EFTUD2: variants seen among roughly 807,000 people sequenced by gnomAD.
EFTUD2 encodes the protein 116 kDa U5 small nuclear ribonucleoprotein component.
In EFTUD2, 9 loss-of-function variants were observed where a neutral mutation model predicts 114.3. The ratio of observed to expected loss-of-function variants is 0.08; its 90% CI spans 0.05 to 0.14. EFTUD2 has a LOEUF of 0.14. EFTUD2 is among the 10% of genes least tolerant of loss of function. The pLI is 1.00. For missense variants in EFTUD2, 765 were observed against 1,241.2 expected, an observed-to-expected ratio of 0.62 and a Z score of 5.76; for synonymous variants, 449 against 462.3, an observed-to-expected ratio of 0.97 and a Z score of 0.37.
chr17:44,866,563 G>A (rs1160476178), intron 13 of EFTUD2, among the ~76,000 whole-genome samples: 1 of 152,038 alleles, frequency 6.6e-6, no homozygotes, highest in South Asian at 2.1e-4. Context: ...ATTTTTAGTA[G>A]AAATGGGGTC....
intron 4 of EFTUD2, 101 bp downstream of exon 4, chr17:44,885,155 C>T: frequency 2.3e-6 from 2 of 881,410 alleles, no homozygotes; most frequent in Non-Finnish European, 3.7e-6. Flanking sequence ...TATGTACGGC[C>T]ACAATTTACT....
rs2050515754 is a variant in EFTUD2 at position 44,854,693 on chromosome 17, G to A, written c.2133-11C>T. 1.2e-6 allele frequency: 2 copies of A among 1,611,390 alleles called. No homozygotes were observed. The highest frequency in any genetic ancestry group is 1.7e-6 in the Non-Finnish European group (2 of 1,178,258). ...TCTCCCAGCTTCTTCCTGGGGAAGG[G>A]AGGAGACAATGGAGCTGTCAGCCAG... is the stretch of plus-strand genomic sequence containing the variant. On this transcript the variant is annotated splice_polypyrimidine_tract_variant and intron_variant, in intron 21 of 27. Transcript: ENST00000426333. The surrounding 1 kb of genome is among the most constrained non-coding windows in gnomAD (Gnocchi z 4.3).
chr17:44,888,937 A>ATAAG (rs397740324), intron 2 of EFTUD2, among the ~76,000 whole-genome samples: 1 of 151,928 alleles, frequency 6.6e-6, no homozygotes, highest in Non-Finnish European at 1.5e-5. Flanking sequence ...GTCGTCATAA[A>ATAAG]GTTATTTGAT....
intron 24 of EFTUD2, 40 bp downstream of exon 24, chr17:44,853,477 C>T (rs2050492319): frequency 4.3e-6 from 7 of 1,610,578 alleles, no homozygotes; most frequent in Middle Eastern, 1.6e-4. Context: ...AGTCCCCTGT[C>T]CAGTGAAGCA....
intron 3 of EFTUD2, 93 bp downstream of exon 3, chr17:44,886,492 C>A (rs1041200873): frequency 6.5e-7 from 1 of 1,535,634 alleles, no homozygotes; most frequent in East Asian, 2.3e-5. Flanking sequence ...AAAAACTGAT[C>A]AATTCATTCA....
At chr17:44,872,733 T>C (rs1362965398) in intron 10 of EFTUD2, 163 bp from the exon 11 acceptor site, 16 of 697,450 alleles carry the variant, frequency 2.3e-5, no homozygotes, top group Non-Finnish European at 3.4e-5. Flanking sequence ...GAAAGTGACA[T>C]GATGGAGCTG....
At chr17:44,875,385 C>T (rs2050928250) in intron 10 of EFTUD2, among the ~76,000 whole-genome samples, 1 of 151,936 alleles carries the variant, frequency 6.6e-6, no homozygotes, top group South Asian at 2.1e-4. Context: ...AAAAAATTAG[C>T]CGGGCGTGGT....
At chr17:44,883,188 C>A in intron 5 of EFTUD2, 30 bp from the exon 6 acceptor site, 1 of 1,610,826 alleles carries the variant, frequency 6.2e-7, no homozygotes, top group Non-Finnish European at 8.5e-7. Context: ...TAACATCTGC[C>A]GACCACAGAG....
In EFTUD2 at chr17:44,854,503, T is replaced by C; in HGVS notation, c.2259+53A>G. 1.9e-6 allele frequency: 3 copies of C among 1,591,462 alleles called. No homozygotes were observed. Among genetic ancestry groups the C allele is most frequent in the Non-Finnish European group, 2.6e-6 (3 of 1,167,060 alleles). On this transcript the variant is annotated intron_variant, in intron 22 of 27. Transcript: ENST00000426333. This position sits in a 1 kb window ranked among gnomAD's most constrained non-coding sequence, Gnocchi z 4.3. ...TGGGAAAAGAACACTTTGTAGTTTC[T>C]TCCACTCCAGAGGTAAGAGACCGCC...
At position 44,859,162 on chromosome 17, in the gene EFTUD2, T is replaced by C; in HGVS notation, c.1880A>G (p.His627Arg). The change falls in exon 19 of 28, where the codon CAT (histidine) becomes CGT (arginine). Residue 627 changes from histidine to arginine, a missense_variant. By Grantham distance (29) the His-to-Arg change is conservative. Around this residue, in one of 6 missense-constraint regions of EFTUD2, gnomAD observed 149 missense variants for 245.1 expected, o/e 0.61. Coordinates refer to ENST00000426333, the MANE Select transcript of EFTUD2 (RefSeq NM_004247.4). ...GAGCTCCCCAGTGCCCAGGATCACA[T>C]GCTCGCCAGACTCCTCCACCTGAAA... ...LTTKVEESGE[H>R]VILGTGELYL... is the part of the protein sequence containing the mutation. The C allele has an allele frequency of 6.2e-7, 1 of 1,613,848 alleles. No individual in the cohort carries two copies. Among genetic ancestry groups the C allele is most frequent in the Non-Finnish European group, 8.5e-7 (1 of 1,179,704 alleles).
Position 44,859,908 on chromosome 17 carries a change from G to C in EFTUD2, c.1857C>G (p.Thr619=), listed in dbSNP as rs768001669. 1 of 1,614,132 alleles carries C rather than the reference G, an allele frequency of 6.2e-7. No individual in the cohort carries two copies. The highest frequency in any genetic ancestry group is 8.5e-7 in the Non-Finnish European group (1 of 1,180,042). Residue 619 remains threonine, a synonymous_variant, in exon 18 of 28, where the codon ACC becomes ACG. Coordinates refer to ENST00000426333, the MANE Select transcript of EFTUD2 (RefSeq NM_004247.4). ...CTGCTGCAGGCCATGGGCATACCTTGGTGGTGAGGGATGGATAGCTCTTGT... is the reference window on the plus strand; with the variant it reads ...CTGCTGCAGGCCATGGGCATACCTTCGTGGTGAGGGATGGATAGCTCTTGT... ...KVNKSYPSLT[T]KVEESGEHVI... is the part of the protein sequence containing the mutation.
intron 16 of EFTUD2, among the ~76,000 whole-genome samples, chr17:44,860,883 G>A (rs72826902): frequency 0.024 from 3,688 of 152,222 alleles, 72 homozygotes; most frequent in Middle Eastern, 0.1. Context: ...ACAGGTGTGA[G>A]CCACCACATC....
At position 44,853,805 on chromosome 17, in the gene EFTUD2, A is replaced by G. The variant is rs1020440027; in HGVS notation, c.2348-170T>C. 6 of 1,440,720 alleles carry G rather than the reference A, an allele frequency of 4.2e-6. No individual in the cohort carries two copies. The African/African-American group carries it at 8.6e-5, about 21-fold the overall frequency. The allele number at this position is 1,440,720 out of a possible 1,614,324, so 89.2% of individuals were successfully genotyped here. Reference sequence around the variant, plus strand: ...TAACTGAATAAGCAAGGCCCATGGCAGAGGTCAGAAGTTAAGCATATGTTC... The same window carrying G: ...TAACTGAATAAGCAAGGCCCATGGCGGAGGTCAGAAGTTAAGCATATGTTC... On this transcript the variant is annotated intron_variant, in intron 23 of 27. Coordinates refer to ENST00000426333, the MANE Select transcript of EFTUD2 (RefSeq NM_004247.4).
At chr17:44,872,617 G>A (rs759523694) in intron 10 of EFTUD2, 47 bp from the exon 11 acceptor site, 6 of 1,539,716 alleles carry the variant, frequency 3.9e-6, no homozygotes, top group South Asian at 2.5e-5. Flanking sequence ...GCAGCAGCCC[G>A]GACGCACTGC....
intron 18 of EFTUD2, 63 bp downstream of exon 18, chr17:44,859,842 G>A (rs1597794943): frequency 1.9e-6 from 3 of 1,608,902 alleles, no homozygotes; most frequent in Admixed American, 1.7e-5. Flanking sequence ...GAAGCGGTGT[G>A]CAGCTCTGCC....
At chr17:44,877,482 G>A (rs2050984268) in intron 9 of EFTUD2, among the ~76,000 whole-genome samples, 1 of 152,150 alleles carries the variant, frequency 6.6e-6, no homozygotes, top group African/African-American at 2.4e-5. Context: ...GCAAATGGGG[G>A]AGAAACAAAA....
At position 44,850,177 on chromosome 17, in the gene EFTUD2, T is replaced by G. The variant is rs1445095492; in HGVS notation, c.*1097A>C. 7 of 593,294 alleles carry G rather than the reference T, an allele frequency of 1.2e-5. No homozygotes were observed. The highest frequency in any genetic ancestry group is 2.1e-5 in the Non-Finnish European group (7 of 330,928). 36.8% of individuals were successfully genotyped at this position (593,294 alleles called of 1,614,324 possible). ...GGTTTCCCCAGGTTGTGTGGTCAGATGCTTGAAGCAGCTGTTGGGACCTGG... is the reference window on the plus strand; with the variant it reads ...GGTTTCCCCAGGTTGTGTGGTCAGAGGCTTGAAGCAGCTGTTGGGACCTGG... On this transcript the variant is annotated 3_prime_UTR_variant, in exon 28 of 28. Transcript: ENST00000426333.
chr17:44,884,567 A>G (rs1413843796), intron 4 of EFTUD2, among the ~76,000 whole-genome samples: 1 of 151,194 alleles, frequency 6.6e-6, no homozygotes, highest in East Asian at 1.9e-4. Context: ...TCCTACACAT[A>G]TATCTACCTC....
chr17:44,863,699 C>T lies in EFTUD2; in HGVS notation c.1369G>A (p.Val457Met). 6.2e-7 allele frequency: 1 copy of T among 1,614,170 alleles called. No homozygotes were observed. The highest frequency in any genetic ancestry group is 8.5e-7 in the Non-Finnish European group (1 of 1,180,002). Residue 457 changes from valine (V) to methionine (M), a missense_variant, in exon 15 of 28, where the codon GTG becomes ATG. Val to Met is a conservative substitution (Grantham distance 21). Around this residue, in one of 6 missense-constraint regions of EFTUD2, gnomAD observed 59 missense variants for 50.1 expected, o/e 1.18. Coordinates refer to ENST00000426333, the MANE Select transcript of EFTUD2 (RefSeq NM_004247.4). ...PKIEHTYTGG[V>M]DSDLGEAMSD... is the part of the protein sequence containing the mutation. ...ATAGCCTCGCCGAGGTCGGAGTCCA[C>T]ACCACCGGTGTAGGTGTGCTCAATC...
Sources: allele counts gnomAD v4.1 joint callset (sites outside exome capture counted in the v4.1 genomes callset), GRCh38; gene constraint gnomAD v4.1.1; regional missense constraint gnomAD v4.1.1; non-coding constraint Gnocchi (gnomAD v3.1); transcripts MANE v1.5; gene names NCBI Gene and HGNC (gene_info 2026-07-23, HGNC 2026-07-21).